Variants in PAK2 observed in about 807,000 individuals in gnomAD.
PAK2 encodes the protein p21 (RAC1) activated kinase 2.
Under a neutral mutation model 65.9 loss-of-function variants are expected in PAK2, and 21 were observed. The observed-to-expected ratio is 0.32, with a 90% CI of 0.23 to 0.46. The LOEUF is 0.46. PAK2 is among the 20% of genes least tolerant of loss of function. The pLI is 1.00. For synonymous variants in PAK2, 204 were observed against 219.7 expected, an observed-to-expected ratio of 0.93 and a Z score of 0.63; for missense variants, 324 against 642.6, an observed-to-expected ratio of 0.50 and a Z score of 5.36.
At chr3:196,780,840 A>G (rs1714683685) in intron 1 of PAK2, among the ~76,000 whole-genome samples, 1 of 152,090 alleles carries the variant, frequency 6.6e-6, no homozygotes, top group African/African-American at 2.4e-5. Context: ...CCAGGCTGGC[A>G]TGCAGTGGCG....
At chr3:196,767,292 G>A (rs1301213538) in intron 1 of PAK2, among the ~76,000 whole-genome samples, 19 of 151,886 alleles carry the variant, frequency 1.3e-4, no homozygotes, top group Admixed American at 9.8e-4. Context: ...TTTTAGAAAC[G>A]GGATATATGG....
chr3:196,824,824 C>T (rs930625491), intron 13 of PAK2, among the ~76,000 whole-genome samples: 4 of 149,656 alleles, frequency 2.7e-5, no homozygotes, highest in African/African-American at 9.8e-5. Context: ...AAAAAAAAAA[C>T]AAGACCATAG....
At chr3:196,781,177 C>G (rs1714703486) in intron 1 of PAK2, among the ~76,000 whole-genome samples, 1 of 152,130 alleles carries the variant, frequency 6.6e-6, no homozygotes, top group Admixed American at 6.6e-5. Flanking sequence ...AGTTAGCATT[C>G]TTTTCATTGT....
chr3:196,769,611 ACTGTC>A (rs1714295207), intron 1 of PAK2, among the ~76,000 whole-genome samples: 1 of 150,116 alleles, frequency 6.7e-6, no homozygotes, highest in Non-Finnish European at 1.5e-5. Flanking sequence ...GGAGATCGAG[ACTGTC>A]CTGGCTAACA....
chr3:196,828,388 A>T lies in PAK2; in HGVS notation c.1558A>T (p.Met520Leu). ...TPLIMAAKEAMKSNR is the reference protein window; with the variant it reads ...TPLIMAAKEALKSNR Reference sequence around the variant, plus strand: ...ACTGATCATGGCAGCTAAAGAAGCAATGAAGAGTAACCGTTAACATCACTG... The same window carrying T: ...ACTGATCATGGCAGCTAAAGAAGCATTGAAGAGTAACCGTTAACATCACTG... The change falls in exon 15 of 15, where the codon ATG becomes TTG. Residue 520 changes from methionine to leucine, a missense_variant. By Grantham distance (15) the Met-to-Leu change is conservative (BLOSUM62 2). Around this residue, in one of 5 missense-constraint regions of PAK2, gnomAD observed 43 missense variants for 67.6 expected, o/e 0.64. Transcript: ENST00000327134. The T allele has an allele frequency of 1.9e-6, 3 of 1,602,646 alleles. No homozygotes were observed. The highest frequency in any genetic ancestry group is 2.6e-6 in the Non-Finnish European group (3 of 1,170,216).
chr3:196,793,862 G>A (rs1715157554), intron 2 of PAK2, among the ~76,000 whole-genome samples: 1 of 152,194 alleles, frequency 6.6e-6, no homozygotes, highest in East Asian at 1.9e-4. Flanking sequence ...CTGGAGCGGT[G>A]GCTCACACCT....
At chr3:196,806,190 C>T (rs191058818) in intron 5 of PAK2, among the ~76,000 whole-genome samples, 101 of 152,150 alleles carry the variant, frequency 6.6e-4, no homozygotes, top group African/African-American at 2.1e-3. Context: ...GGATTACAGA[C>T]GTGAGCCACC....
chr3:196,804,824 T>TATATAC (rs1560110374), intron 4 of PAK2, among the ~76,000 whole-genome samples: 2 of 11,220 alleles, frequency 1.8e-4, no homozygotes, highest in African/African-American at 7.1e-4. Context: ...TATATATATA[T>TATATAC]ACACATATAT....
intron 1 of PAK2, among the ~76,000 whole-genome samples, chr3:196,777,800 A>G (rs1714583611): frequency 6.6e-6 from 1 of 152,230 alleles, no homozygotes; most frequent in Non-Finnish European, 1.5e-5. Context: ...TCTAGCACAG[A>G]GTCTTATAAA....
intron 8 of PAK2, among the ~76,000 whole-genome samples, chr3:196,811,960 G>T (rs1715841627): frequency 6.6e-6 from 1 of 152,000 alleles, no homozygotes; most frequent in African/African-American, 2.4e-5. Flanking sequence ...TTAAGTATAT[G>T]TTATATAATT....
Position 196,810,582 on chromosome 3 carries a change from T to A in PAK2, c.710-8T>A. ...TTGACTGAGCTTCCAGCTTTTTGTT[T>A]ATTCTAGGAACTATCGTGAGCATAG... On this transcript the variant is annotated splice_region_variant and splice_polypyrimidine_tract_variant and intron_variant, in intron 7 of 14. Coordinates refer to ENST00000327134, the MANE Select transcript of PAK2 (RefSeq NM_002577.4). 6.6e-7 allele frequency: 1 copy of A among 1,514,520 alleles called. No individual in the cohort carries two copies. The highest frequency in any genetic ancestry group is 2.3e-5 in the East Asian group (1 of 44,294). The allele number at this position is 1,514,520 out of a possible 1,614,324, so 93.8% of individuals were successfully genotyped here.
chr3:196,753,176 C>G (rs1379445304), intron 1 of PAK2, among the ~76,000 whole-genome samples: 1 of 151,912 alleles, frequency 6.6e-6, no homozygotes, highest in Non-Finnish European at 1.5e-5. Flanking sequence ...CCAGGATGGT[C>G]TCGATCTCCT....
At chr3:196,825,854 T>G (rs960898537) in intron 13 of PAK2, among the ~76,000 whole-genome samples, 2 of 152,166 alleles carry the variant, frequency 1.3e-5, no homozygotes, top group African/African-American at 4.8e-5. Flanking sequence ...TTTTGGTTTT[T>G]ATTTTTGAGA....
chr3:196,809,312 G>A (rs981743456), intron 7 of PAK2, among the ~76,000 whole-genome samples: 2 of 141,920 alleles, frequency 1.4e-5, no homozygotes, highest in African/African-American at 5.2e-5. Context: ...GTGCTTTCAA[G>A]TATAAACCTG....
intron 1 of PAK2, among the ~76,000 whole-genome samples, chr3:196,743,743 G>A (rs977852109): frequency 2.6e-5 from 4 of 151,780 alleles, no homozygotes; most frequent in African/African-American, 9.7e-5. Flanking sequence ...TTAGCTGGGC[G>A]TGGTGGCGGG....
At chr3:196,802,846 A>G (rs922064348) in intron 3 of PAK2, among the ~76,000 whole-genome samples, 171 bp from the exon 4 acceptor site, 3 of 152,210 alleles carry the variant, frequency 2.0e-5, no homozygotes, top group Admixed American at 6.5e-5. Context: ...ACTCTGTCTC[A>G]AAAAAAGAAA....
At chr3:196,807,449 T>TA (rs987955972) in intron 6 of PAK2, among the ~76,000 whole-genome samples, 4 of 152,342 alleles carry the variant, frequency 2.6e-5, no homozygotes, top group African/African-American at 9.6e-5. Flanking sequence ...GCATTTTACT[T>TA]ACCATTTGTA....
intron 1 of PAK2, among the ~76,000 whole-genome samples, chr3:196,779,941 G>A (rs772008881): frequency 5.9e-5 from 9 of 152,234 alleles, no homozygotes; most frequent in Non-Finnish European, 8.8e-5. Flanking sequence ...AAAGTGTGGC[G>A]TGAGCCACCG....
At chr3:196,785,686 GTAATTTA>G (rs1714863125) in intron 2 of PAK2, among the ~76,000 whole-genome samples, 1 of 152,248 alleles carries the variant, frequency 6.6e-6, no homozygotes, top group East Asian at 1.9e-4. Flanking sequence ...CTGAGACTGG[GTAATTTA>G]TACAAGAAAA....
Sources: gnomAD v4.1 joint callset for allele counts (sites outside exome capture counted in the v4.1 genomes callset) on GRCh38, gnomAD v4.1.1 for gene constraint, gnomAD v4.1.1 regional missense constraint, MANE v1.5 for transcripts, NCBI Gene and HGNC (gene_info 2026-07-23, HGNC 2026-07-21) for gene names.